The following CYB561A3 variants were observed in gnomAD, a reference collection of about 807,000 sequenced individuals.
The protein encoded by CYB561A3 is lysosomal membrane ascorbate-dependent ferrireductase CYB561A3.
In CYB561A3, 16 loss-of-function variants were observed where a neutral mutation model predicts 25.3. That is an observed-to-expected ratio of 0.63 (90% CI 0.43 to 0.96). The LOEUF is 0.96. Ranked by LOEUF, CYB561A3 falls within the 40% of genes least tolerant of loss-of-function variation. The pLI is 0.00. For synonymous variants in CYB561A3, 131 were observed against 129.9 expected, an observed-to-expected ratio of 1.01 and a Z score of -0.06; for missense variants, 219 against 307.5, an observed-to-expected ratio of 0.71 and a Z score of 2.15.
At position 61,349,816 on chromosome 11, in the gene CYB561A3, A is replaced by G; in HGVS notation, c.*583T>C. 1 of 604,554 alleles carries G rather than the reference A, an allele frequency of 1.7e-6. No homozygotes were observed. Among genetic ancestry groups the G allele is most frequent in the Admixed American group, 2.5e-5 (1 of 39,470 alleles). The allele number at this position is 604,554 out of a possible 1,614,324, so 37.4% of individuals were successfully genotyped here. ...CCACCTCACATCCAGATGGGGCTGG[A>G]TGGCAGAGCAGATGAAGCCTGCTCT... is the stretch of plus-strand genomic sequence containing the variant. On this transcript the variant is annotated 3_prime_UTR_variant, in exon 7 of 7. Coordinates refer to ENST00000294072, the MANE Select transcript of CYB561A3 (RefSeq NM_153611.6).
At chr11:61,357,476 A>C in intron 2 of CYB561A3, 1 of 445,158 alleles carries the variant, frequency 2.2e-6, no homozygotes, top group East Asian at 4.2e-5. Flanking sequence ...CCAGAAACCA[A>C]CTCTGGTTTC....
At chr11:61,361,967 G>A (rs1857910611), upstream of CYB561A3, 1 of 152,554 alleles carries the variant, frequency 6.6e-6, no homozygotes, top group Non-Finnish European at 1.5e-5. Flanking sequence ...GAAGTCCGGA[G>A]ACCAGGGGTG....
rs1423239841 is a variant in CYB561A3, at chr11:61,350,271, G to C, written c.*128C>G. The C allele has an allele frequency of 3.2e-6, 4 of 1,261,640 alleles. No homozygotes were observed. Among genetic ancestry groups the C allele is most frequent in the Non-Finnish European group, 4.4e-6 (4 of 909,872 alleles). The allele number at this position is 1,261,640 out of a possible 1,614,324, so 78.2% of individuals were successfully genotyped here. On this transcript the variant is annotated 3_prime_UTR_variant, in exon 7 of 7. Coordinates refer to ENST00000294072, the MANE Select transcript of CYB561A3 (RefSeq NM_153611.6). Reference sequence around the variant, plus strand: ...AGAGGGCAGGCCAGCACCCAGGCAAGAAGTCTGGGCCCAGCATTGGAAGAA... The same window carrying C: ...AGAGGGCAGGCCAGCACCCAGGCAACAAGTCTGGGCCCAGCATTGGAAGAA...
intron 3 of CYB561A3, 113 bp from the exon 4 acceptor site, chr11:61,354,105 C>T (rs1046790634): frequency 2.7e-6 from 3 of 1,120,640 alleles, no homozygotes; most frequent in Non-Finnish European, 3.8e-6. Flanking sequence ...ACAGGAAATG[C>T]TAGGGCACTG....
At chr11:61,351,280 CTTTCTT>C in intron 5 of CYB561A3, 133 bp from the exon 6 acceptor site, 1 of 718,932 alleles carries the variant, frequency 1.4e-6, no homozygotes, top group Non-Finnish European at 2.0e-6. Flanking sequence ...TTTTAACACC[CTTTCTT>C]TTTTTTTTTT....
chr11:61,356,826 G>A (rs1590610428), intron 2 of CYB561A3, 98 bp from the exon 3 acceptor site: 2 of 1,506,358 alleles, frequency 1.3e-6, no homozygotes, highest in South Asian at 2.7e-5. Context: ...CCTGTGGGAT[G>A]GAATCTTTTT....
intron 2 of CYB561A3, chr11:61,357,275 G>A (rs1235524477): frequency 1.3e-6 from 2 of 1,544,152 alleles, no homozygotes; most frequent in South Asian, 1.2e-5. Context: ...CACTGGAGAG[G>A]TAACCAGGCC....
chr11:61,356,923 T>A (rs1421148854), intron 2 of CYB561A3, 195 bp from the exon 3 acceptor site: 1 of 1,444,452 alleles, frequency 6.9e-7, no homozygotes, highest in Non-Finnish European at 9.0e-7. Flanking sequence ...TCACAATGAC[T>A]GAGGCCCCAC....
At chr11:61,361,325 G>T (rs939538465) in intron 1 of CYB561A3, 1 of 152,218 alleles carries the variant, frequency 6.6e-6, no homozygotes, top group African/African-American at 2.4e-5. Context: ...AACATGAGGA[G>T]TGAAGGGCTC....
Position 61,349,775 on chromosome 11 carries a change from C to G in CYB561A3, c.*624G>C, listed in dbSNP as rs1469638200. 6 of 642,856 alleles carry G rather than the reference C, an allele frequency of 9.3e-6. No homozygotes were observed. Among genetic ancestry groups the G allele is most frequent in the Non-Finnish European group, 1.7e-5 (6 of 350,432 alleles). The allele number at this position is 642,856 out of a possible 1,614,324, so 39.8% of individuals were successfully genotyped here. A position where few individuals can be genotyped will look rare whatever the true frequency, so the allele number is the denominator to read the frequency against. On this transcript the variant is annotated 3_prime_UTR_variant, in exon 7 of 7. Coordinates refer to ENST00000294072, the MANE Select transcript of CYB561A3 (RefSeq NM_153611.6). ...GCCACTCCCCCTTTCTGCAATCACC[C>G]CATGATGTCTCCACCCCACCTCACA...
chr11:61,358,390 AC>A (rs1401477356), intron 1 of CYB561A3: 8 of 142,612 alleles, frequency 5.6e-5, no homozygotes, highest in Non-Finnish European at 6.0e-5. Context: ...ATTGCACTCC[AC>A]CCTGAGCAAT....
At chr11:61,353,761 G>C (rs774371363) in intron 4 of CYB561A3, 23 bp downstream of exon 4, 1 of 1,613,566 alleles carries the variant, frequency 6.2e-7, no homozygotes, top group South Asian at 1.1e-5. Context: ...GGAACCTCGA[G>C]GAGGAGAACA....
chr11:61,356,426 ATAGCCCC>A, intron 3 of CYB561A3, 97 bp downstream of exon 3: 2 of 422,546 alleles, frequency 4.7e-6, no homozygotes, highest in Non-Finnish European at 6.9e-6. Flanking sequence ...CCCTACCCCC[ATAGCCCC>A]AAGCCCAACA....
chr11:61,350,339 G>A lies in CYB561A3; in HGVS notation c.*60C>T. The A allele has an allele frequency of 6.3e-7, 1 of 1,585,064 alleles. No homozygotes were observed. The highest frequency in any genetic ancestry group is 1.3e-5 in the African/African-American group (1 of 74,742). ...AGCCGGGAGCCCTGGGAAGAGCAGAGCTTCTGAGGGGAGCACAGGCTGCAC... is the reference window on the plus strand; with the variant it reads ...AGCCGGGAGCCCTGGGAAGAGCAGAACTTCTGAGGGGAGCACAGGCTGCAC... On this transcript the variant is annotated 3_prime_UTR_variant, in exon 7 of 7. Coordinates refer to ENST00000294072, the MANE Select transcript of CYB561A3 (RefSeq NM_153611.6).
intron 5 of CYB561A3, chr11:61,352,490 T>C (rs769822966): frequency 2.5e-4 from 42 of 167,200 alleles, no homozygotes; most frequent in Non-Finnish European, 4.6e-4. Context: ...TGAAACCCCG[T>C]CCCTACTAAA....
Position 61,350,282 on chromosome 11 carries a change from C to T in CYB561A3, c.*117G>A. On this transcript the variant is annotated 3_prime_UTR_variant, in exon 7 of 7. Coordinates refer to ENST00000294072, the MANE Select transcript of CYB561A3 (RefSeq NM_153611.6). Reference sequence around the variant, plus strand: ...CAGCACCCAGGCAAGAAGTCTGGGCCCAGCATTGGAAGAAAGTCGCCTGCT... The same window carrying T: ...CAGCACCCAGGCAAGAAGTCTGGGCTCAGCATTGGAAGAAAGTCGCCTGCT... The T allele has an allele frequency of 7.4e-7, 1 of 1,355,512 alleles. No individual in the cohort carries two copies. The highest frequency in any genetic ancestry group is 1.3e-5 in the South Asian group (1 of 75,082). 84.0% of individuals were successfully genotyped at this position (1,355,512 alleles called of 1,614,324 possible). A position where few individuals can be genotyped will look rare whatever the true frequency, so the allele number is the denominator to read the frequency against.
At chr11:61,356,843 G>C (rs560804273) in intron 2 of CYB561A3, 115 bp from the exon 3 acceptor site, 1 of 1,480,598 alleles carries the variant, frequency 6.8e-7, no homozygotes, top group East Asian at 2.4e-5. Context: ...TTTTGCTTCA[G>C]TTCCCCTGCA....
At chr11:61,350,792 G>T in intron 6 of CYB561A3, 199 bp downstream of exon 6, 1 of 705,054 alleles carries the variant, frequency 1.4e-6, no homozygotes, top group Non-Finnish European at 2.2e-6. Flanking sequence ...GGACAGACTG[G>T]GGAGTCCCAG....
intron 5 of CYB561A3, chr11:61,351,356 C>G (rs1373788117): frequency 2.4e-6 from 1 of 418,140 alleles, no homozygotes; most frequent in African/African-American, 2.3e-5. Context: ...GTGGCACGAT[C>G]TCGGCTCACT....
Sources: allele counts gnomAD v4.1 joint callset, GRCh38; gene constraint gnomAD v4.1.1; transcripts MANE v1.5; gene names NCBI Gene and HGNC (gene_info 2026-07-23, HGNC 2026-07-21).